The following USP33 variants were observed in gnomAD, a reference collection of about 807,000 sequenced individuals.
USP33 encodes the protein ubiquitin specific peptidase 33.
Under a neutral mutation model 124.2 loss-of-function variants are expected in USP33, and 46 were observed. The observed-to-expected ratio is 0.37, with a 90% CI of 0.29 to 0.47. The LOEUF is 0.47. Ranked by LOEUF, USP33 falls within the 20% of genes least tolerant of loss-of-function variation. USP33 has a pLI of 0.99. For missense variants in USP33, 851 were observed against 1,070.6 expected (o/e 0.79, Z 2.86); for synonymous variants, 350 against 352.3 (o/e 0.99, Z 0.07).
chr1:77,712,206 G>A (rs1208787811), intron 20 of USP33, among the ~76,000 whole-genome samples: 1 of 152,136 alleles, frequency 6.6e-6, no homozygotes, highest in East Asian at 1.9e-4. Context: ...GCCTCCCCTG[G>A]CCTCTCAAGT....
chr1:77,730,672 G>C lies in USP33; in HGVS notation c.584C>G (p.Pro195Arg). Residue 195 changes from proline (P) to arginine (R), a missense_variant, in exon 8 of 24, where the codon CCT (proline) becomes CGT (arginine). This residue lies in a region of USP33 where 221 missense variants were observed against 302.9 expected (regional missense o/e 0.73). Transcript: ENST00000370794. ...TTTGAGATAACTTTTACAAATGGCA[G>C]GTTTCTTATCTGTTCGAGCTAGTCC... Reference protein sequence around the residue: ...CGGLARTDKKPAICKSYLKLM... With the variant: ...CGGLARTDKKRAICKSYLKLM... 2 of 1,599,078 alleles carry C rather than the reference G, an allele frequency of 1.3e-6. No individual in the cohort carries two copies. Among genetic ancestry groups the C allele is most frequent in the Non-Finnish European group, 1.7e-6 (2 of 1,171,108 alleles).
intron 1 of USP33, among the ~76,000 whole-genome samples, chr1:77,747,083 T>A (rs542011604): frequency 2.9e-4 from 44 of 152,218 alleles, no homozygotes; most frequent in African/African-American, 9.1e-4. Flanking sequence ...TCCTCTATAT[T>A]GCAAAATATT....
chr1:77,708,638 C>T (rs1674897834), intron 21 of USP33, among the ~76,000 whole-genome samples: 1 of 152,194 alleles, frequency 6.6e-6, no homozygotes, highest in African/African-American at 2.4e-5. Context: ...TCCAAGTATA[C>T]AAAGAAATTT....
intron 11 of USP33, among the ~76,000 whole-genome samples, chr1:77,725,303 A>G (rs752027993): frequency 3.3e-5 from 5 of 152,218 alleles, no homozygotes; most frequent in Non-Finnish European, 5.9e-5. Context: ...CTGATTACAA[A>G]GTAGTACTAT....
intron 8 of USP33, 93 bp downstream of exon 8, chr1:77,730,525 T>C (rs1229886428): frequency 1.1e-6 from 1 of 946,718 alleles, no homozygotes; most frequent in Non-Finnish European, 1.5e-6. Context: ...CTTCTACTTT[T>C]TTCCGGCTCC....
chr1:77,734,262 T>C (rs1207166577), intron 7 of USP33, 85 bp downstream of exon 7: 2 of 1,016,668 alleles, frequency 2.0e-6, no homozygotes, highest in Non-Finnish European at 2.9e-6. Flanking sequence ...CTTGAGTTAG[T>C]CAACTACTAT....
At chr1:77,747,245 T>A (rs993009526) in intron 1 of USP33, among the ~76,000 whole-genome samples, 1 of 150,232 alleles carries the variant, frequency 6.7e-6, no homozygotes, top group Non-Finnish European at 1.5e-5. Flanking sequence ...CTGGGCTTTT[T>A]TTTTTTTTTT....
At chr1:77,705,049 C>T (rs969983012) in intron 21 of USP33, among the ~76,000 whole-genome samples, 22 of 148,036 alleles carry the variant, frequency 1.5e-4, no homozygotes, top group African/African-American at 5.6e-4. Flanking sequence ...CTTCACTTAG[C>T]TTCCAATCCA....
intron 4 of USP33, among the ~76,000 whole-genome samples, chr1:77,739,901 G>A (rs572400632): frequency 6.6e-5 from 10 of 152,250 alleles, no homozygotes; most frequent in Non-Finnish European, 1.0e-4. Flanking sequence ...AAAATGATCT[G>A]AGTGACTAAT....
intron 1 of USP33, chr1:77,746,486 C>G (rs1457712195): frequency 2.6e-5 from 4 of 152,184 alleles, no homozygotes; most frequent in Admixed American, 2.6e-4. Context: ...TGAAACTATT[C>G]CAATCAATAT....
Position 77,728,410 on chromosome 1 carries a change from C to G in USP33, c.1020G>C (p.Lys340Asn). The part of the protein sequence containing the change: ...KDWQKEKMCN[K>N]INKVNSEGEF... ...CGCCTTCAGAATTTACTTTATTAATCTTATTGCACATCTTCTCTTTTTGCC... is the reference window on the plus strand; with the variant it reads ...CGCCTTCAGAATTTACTTTATTAATGTTATTGCACATCTTCTCTTTTTGCC... Residue 340 changes from lysine to asparagine, a missense_variant, in exon 10 of 24, where the codon AAG (lysine) becomes AAC (asparagine). Coordinates refer to ENST00000370794, the MANE Select transcript of USP33 (RefSeq NM_201624.3). 6.2e-7 allele frequency: 1 copy of G among 1,614,016 alleles called. No homozygotes were observed. The highest frequency in any genetic ancestry group is 1.3e-5 in the African/African-American group (1 of 75,052).
intron 22 of USP33, among the ~76,000 whole-genome samples, chr1:77,700,137 C>T (rs1377359856): frequency 1.3e-5 from 2 of 152,192 alleles, no homozygotes; most frequent in Non-Finnish European, 2.9e-5. Flanking sequence ...TGGAGCAAAT[C>T]GCCATGGCAC....
intron 12 of USP33, among the ~76,000 whole-genome samples, chr1:77,722,898 T>C (rs1282304480): frequency 2.6e-5 from 4 of 152,220 alleles, no homozygotes; most frequent in African/African-American, 9.7e-5. Flanking sequence ...ACCTTTAGTA[T>C]CTGAGTCCCA....
At chr1:77,744,524 A>G (rs1476177954) in intron 1 of USP33, among the ~76,000 whole-genome samples, 2 of 152,198 alleles carry the variant, frequency 1.3e-5, no homozygotes, top group Admixed American at 1.3e-4. Flanking sequence ...ATTACTTAAA[A>G]CTAGTAATAA....
intron 1 of USP33, among the ~76,000 whole-genome samples, chr1:77,746,966 T>C (rs1679804710): frequency 6.6e-6 from 1 of 152,270 alleles, no homozygotes; most frequent in African/African-American, 2.4e-5. Flanking sequence ...TGTCTTTTCA[T>C]AAATGTTACA....
intron 22 of USP33, among the ~76,000 whole-genome samples, chr1:77,700,844 G>T (rs1230302095): frequency 1.3e-5 from 2 of 151,920 alleles, no homozygotes; most frequent in Non-Finnish European, 2.9e-5. Flanking sequence ...GGGATTACAG[G>T]TGACTGCCAC....
At chr1:77,719,535 T>C (rs939628402) in intron 15 of USP33, among the ~76,000 whole-genome samples, 2 of 151,930 alleles carry the variant, frequency 1.3e-5, no homozygotes, top group Non-Finnish European at 2.9e-5. Context: ...CTCAGTTTTA[T>C]AAAATTTGTA....
At position 77,728,715 on chromosome 1, in the gene USP33, A is replaced by T. The variant is rs757736477; in HGVS notation, c.718-3T>A. On this transcript the variant is annotated splice_region_variant and splice_polypyrimidine_tract_variant and intron_variant, in intron 9 of 23. Transcript: ENST00000370794. Reference sequence around the variant, plus strand: ...CATCGAAGGAATTCTTGAGCATCCTAATATATCAGCAACATAATGTTAACC... The same window carrying T: ...CATCGAAGGAATTCTTGAGCATCCTTATATATCAGCAACATAATGTTAACC... The T allele has an allele frequency of 6.2e-7, 1 of 1,609,932 alleles. No individual in the cohort carries two copies. The highest frequency in any genetic ancestry group is 8.5e-7 in the Non-Finnish European group (1 of 1,178,554).
At chr1:77,706,143 A>G (rs1674601106) in intron 21 of USP33, among the ~76,000 whole-genome samples, 1 of 152,224 alleles carries the variant, frequency 6.6e-6, no homozygotes, top group Non-Finnish European at 1.5e-5. Flanking sequence ...ATGTTAACAT[A>G]AATTTTCATT....
Sources: allele counts gnomAD v4.1 joint callset (sites outside exome capture counted in the v4.1 genomes callset), GRCh38; gene constraint gnomAD v4.1.1; regional missense constraint gnomAD v4.1.1; transcripts MANE v1.5; gene names NCBI Gene and HGNC (gene_info 2026-07-23, HGNC 2026-07-21).